The following MAP2 variants were observed in gnomAD, a reference collection of about 807,000 sequenced individuals.
MAP2 encodes microtubule-associated protein 2.
Under a neutral mutation model 137.6 loss-of-function variants are expected in MAP2, and 14 were observed. That is an observed-to-expected ratio of 0.10 (90% CI 0.07 to 0.16). MAP2 has a LOEUF of 0.16. Ranked by LOEUF, MAP2 falls within the 10% of genes least tolerant of loss-of-function variation. MAP2 has a pLI of 1.00. For synonymous variants in MAP2, 786 were observed against 782.3 expected, an observed-to-expected ratio of 1.00 and a Z score of -0.08; for missense variants, 2,088 against 2,191.5, an observed-to-expected ratio of 0.95 and a Z score of 0.94.
At chr2:209,652,671 T>C (rs900778009) in intron 4 of MAP2, among the ~76,000 whole-genome samples, 2 of 152,206 alleles carry the variant, frequency 1.3e-5, no homozygotes, top group African/African-American at 4.8e-5. Context: ...TAATTTTTCA[T>C]GGTATAGAAT....
rs138077435 is a variant in MAP2, at chr2:209,477,715, G to C, written c.-221-29877G>C. On this transcript the variant is annotated intron_variant, in intron 1 of 15. Coordinates refer to ENST00000682079, the MANE Select transcript of MAP2 (RefSeq NM_001375505.1). ...CAGTTCTGATGTTGAAAATACTAAA[G>C]GTTGGGTATGGTGGCTCACGCCTAT... Among the ~76,000 whole-genome samples, 3 of 152,126 alleles carry C rather than the reference G, an allele frequency of 2.0e-5. No homozygotes were observed. In the East Asian group the frequency reaches 5.8e-4, roughly 29 times the overall value.
At chr2:209,663,688 A>G (rs1255812574) in intron 5 of MAP2, among the ~76,000 whole-genome samples, 1 of 152,194 alleles carries the variant, frequency 6.6e-6, no homozygotes, top group Non-Finnish European at 1.5e-5. Flanking sequence ...CATCCTAAAT[A>G]CATATGATTC....
intron 5 of MAP2, among the ~76,000 whole-genome samples, chr2:209,664,962 C>CAAAAAAAAAAAA (rs67286716): frequency 1.9e-5 from 1 of 51,832 alleles, no homozygotes; most frequent in East Asian, 6.9e-4. Context: ...AACTCCGTCT[C>CAAAAAAAAAAAA]AAAAAAAAAA....
At chr2:209,517,961 T>C (rs551429968) in intron 2 of MAP2, among the ~76,000 whole-genome samples, 1 of 152,164 alleles carries the variant, frequency 6.6e-6, no homozygotes, top group African/African-American at 2.4e-5. Context: ...TTACATTCTT[T>C]CATCTCATAG....
intron 2 of MAP2, among the ~76,000 whole-genome samples, chr2:209,528,376 A>G (rs1021018793): frequency 6.6e-6 from 1 of 152,172 alleles, no homozygotes; most frequent in Non-Finnish European, 1.5e-5. Flanking sequence ...TGGAAATTCT[A>G]TGTAATTCTG....
At chr2:209,672,172 A>C (rs999372710) in intron 5 of MAP2, among the ~76,000 whole-genome samples, 3 of 151,878 alleles carry the variant, frequency 2.0e-5, no homozygotes, top group Non-Finnish European at 4.4e-5. Flanking sequence ...AATGCTGAGT[A>C]GTATGATATG....
At chr2:209,502,322 C>T (rs1321948466) in intron 1 of MAP2, among the ~76,000 whole-genome samples, 2 of 152,180 alleles carry the variant, frequency 1.3e-5, no homozygotes, top group Admixed American at 6.5e-5. Context: ...TAAGATTCCA[C>T]ATAAGTGAGA....
At chr2:209,534,718 T>C (rs1426971678) in intron 2 of MAP2, among the ~76,000 whole-genome samples, 1 of 152,188 alleles carries the variant, frequency 6.6e-6, no homozygotes, top group Non-Finnish European at 1.5e-5. Flanking sequence ...AATATCTCAA[T>C]TGTCACAATT....
chr2:209,664,962 C>CAAAAA (rs67286716), intron 5 of MAP2, among the ~76,000 whole-genome samples: 19 of 51,756 alleles, frequency 3.7e-4, no homozygotes, highest in Admixed American at 1.4e-3. Context: ...AACTCCGTCT[C>CAAAAA]AAAAAAAAAA....
At chr2:209,622,608 G>T (rs947400436) in intron 3 of MAP2, among the ~76,000 whole-genome samples, 3 of 152,122 alleles carry the variant, frequency 2.0e-5, no homozygotes, top group African/African-American at 7.2e-5. Context: ...TTTATATAAT[G>T]AATCTAATGT....
In MAP2 at chr2:209,725,735, C is replaced by T; in HGVS notation, c.5100C>T (p.Asp1700=). Residue 1700 remains aspartate (D), a synonymous_variant, in exon 14 of 16, where the codon GAC becomes GAT. Transcript: ENST00000682079. ...GQVQIVTKKI[D]LSHVTSKCGS... Reference sequence around the variant, plus strand: ...TACAAATTGTTACCAAGAAAATAGACCTAAGCCATGTGACATCCAAATGTG... The same window carrying T: ...TACAAATTGTTACCAAGAAAATAGATCTAAGCCATGTGACATCCAAATGTG... The T allele has an allele frequency of 1.9e-6, 3 of 1,604,348 alleles. No homozygotes were observed. Among genetic ancestry groups the T allele is most frequent in the South Asian group, 1.1e-5 (1 of 89,244 alleles).
intron 2 of MAP2, among the ~76,000 whole-genome samples, chr2:209,515,185 A>G (rs979351232): frequency 1.3e-5 from 2 of 152,150 alleles, no homozygotes; most frequent in African/African-American, 2.4e-5. Context: ...TTGAGTAAAG[A>G]AAACACTGAA....
intron 3 of MAP2, among the ~76,000 whole-genome samples, chr2:209,622,636 T>C (rs1393487576): frequency 2.0e-5 from 3 of 152,212 alleles, no homozygotes; most frequent in Non-Finnish European, 2.9e-5. Context: ...ATGTTGTTAA[T>C]GTTGTAAAAA....
intron 1 of MAP2, among the ~76,000 whole-genome samples, chr2:209,431,115 G>T (rs2149281429): frequency 6.6e-6 from 1 of 152,036 alleles, no homozygotes; most frequent in South Asian, 2.1e-4. Flanking sequence ...ATCAAAACTG[G>T]CAGTATGAAG....
At chr2:209,521,402 A>G (rs746396918) in intron 2 of MAP2, among the ~76,000 whole-genome samples, 1 of 151,900 alleles carries the variant, frequency 6.6e-6, no homozygotes, top group African/African-American at 2.4e-5. Context: ...CACCTGTCCA[A>G]TCCTTCCTCC....
At chr2:209,504,466 G>C (rs1037939171) in intron 1 of MAP2, among the ~76,000 whole-genome samples, 3 of 152,142 alleles carry the variant, frequency 2.0e-5, no homozygotes, top group African/African-American at 7.2e-5. Context: ...GCAAACAAAT[G>C]GGCAGTTTCA....
chr2:209,468,972 A>T (rs1044945325), intron 1 of MAP2, among the ~76,000 whole-genome samples: 1 of 152,180 alleles, frequency 6.6e-6, no homozygotes, highest in African/African-American at 2.4e-5. Context: ...AACATCCAAG[A>T]TGATACTATC....
intron 3 of MAP2, among the ~76,000 whole-genome samples, chr2:209,597,656 A>G (rs2081643468): frequency 1.3e-5 from 2 of 152,210 alleles, no homozygotes; most frequent in South Asian, 4.1e-4. Flanking sequence ...AAACTGTGCC[A>G]TAAGGCCATC....
chr2:209,637,275 T>G (rs1015928728), intron 4 of MAP2, among the ~76,000 whole-genome samples: 1 of 152,048 alleles, frequency 6.6e-6, no homozygotes, highest in Non-Finnish European at 1.5e-5. Flanking sequence ...AAACCCTATC[T>G]CTATTAAAAA....
Sources: allele counts gnomAD v4.1 joint callset (sites outside exome capture counted in the v4.1 genomes callset), GRCh38; gene constraint gnomAD v4.1.1; transcripts MANE v1.5; gene names NCBI Gene and HGNC (gene_info 2026-07-23, HGNC 2026-07-21).